RAB6B: variants seen among roughly 807,000 people sequenced by gnomAD.
RAB6B encodes the protein RAB6B, member RAS oncogene family.
In RAB6B, 7 loss-of-function variants were observed where a neutral mutation model predicts 31.2. The observed-to-expected ratio is 0.22, with a 90% CI of 0.13 to 0.42. The LOEUF is 0.42. Ranked by LOEUF, RAB6B falls within the 10% of genes least tolerant of loss-of-function variation. RAB6B has a pLI of 1.00. For missense variants in RAB6B, 149 were observed against 280.6 expected (o/e 0.53, Z 3.35); for synonymous variants, 105 against 104.9 (o/e 1.00, Z -0.01).
intron 7 of RAB6B, among the ~76,000 whole-genome samples, chr3:133,831,582 G>A (rs188051075): frequency 5.1e-4 from 77 of 152,308 alleles, no homozygotes; most frequent in Non-Finnish European, 9.1e-4. Flanking sequence ...TCCTTGTTAC[G>A]CCACATGCTG....
intron 1 of RAB6B, among the ~76,000 whole-genome samples, chr3:133,874,336 C>T (rs754339950): frequency 6.6e-6 from 1 of 152,218 alleles, no homozygotes; most frequent in Non-Finnish European, 1.5e-5. Flanking sequence ...TTACTACACA[C>T]CTAGGCTATA....
In RAB6B at chr3:133,834,490, G is replaced by A. The variant is rs541677051; in HGVS notation, c.562+85C>T. On this transcript the variant is annotated intron_variant, in intron 7 of 7. Coordinates refer to ENST00000285208, the MANE Select transcript of RAB6B (RefSeq NM_016577.4). Reference sequence around the variant, plus strand: ...AGGGAAGGCTGGGCGGGGACTGGGCGAGTGTCTGTCCACTGCACTAACATA... The same window carrying A: ...AGGGAAGGCTGGGCGGGGACTGGGCAAGTGTCTGTCCACTGCACTAACATA... 2.2e-5 allele frequency: 31 copies of A among 1,420,018 alleles called. 2 individuals are homozygous for A. The highest frequency in any genetic ancestry group is 1.8e-4 in the Middle Eastern group (1 of 5,684). 88.0% of individuals were successfully genotyped at this position (1,420,018 alleles called of 1,614,324 possible). A position where few individuals can be genotyped will look rare whatever the true frequency, so the allele number is the denominator to read the frequency against.
chr3:133,889,437 T>C (rs1339814163), intron 1 of RAB6B, among the ~76,000 whole-genome samples: 17 of 87,014 alleles, frequency 2.0e-4, no homozygotes, highest in African/African-American at 7.0e-4. Flanking sequence ...TATATATATA[T>C]ATATATATTT....
intron 1 of RAB6B, among the ~76,000 whole-genome samples, chr3:133,889,638 G>A (rs781345394): frequency 1.3e-5 from 2 of 151,744 alleles, no homozygotes; most frequent in Non-Finnish European, 2.9e-5. Flanking sequence ...ATTTTGCCAC[G>A]TTGGCCAGGC....
intron 1 of RAB6B, among the ~76,000 whole-genome samples, chr3:133,871,630 C>T (rs753845891): frequency 1.4e-4 from 22 of 152,382 alleles, no homozygotes; most frequent in African/African-American, 4.1e-4. Flanking sequence ...CCTCCCTCCA[C>T]GAAGGACAGC....
At chr3:133,876,886 A>G (rs2108010457) in intron 1 of RAB6B, among the ~76,000 whole-genome samples, 1 of 152,246 alleles carries the variant, frequency 6.6e-6, no homozygotes, top group South Asian at 2.1e-4. Flanking sequence ...TTCCCTATAA[A>G]CAAATGAATA....
intron 7 of RAB6B, 146 bp downstream of exon 7, chr3:133,834,429 C>T (rs917945810): frequency 1.4e-5 from 12 of 829,324 alleles, no homozygotes; most frequent in African/African-American, 5.0e-5. Context: ...AGCTGCATCC[C>T]GCCTAGAGGA....
At chr3:133,882,305 T>A (rs1936479744) in intron 1 of RAB6B, among the ~76,000 whole-genome samples, 1 of 152,202 alleles carries the variant, frequency 6.6e-6, no homozygotes, top group African/African-American at 2.4e-5. Flanking sequence ...CCGTACAACA[T>A]AACCTGATTG....
At chr3:133,845,189 T>A (rs936665896) in intron 2 of RAB6B, among the ~76,000 whole-genome samples, 4 of 152,340 alleles carry the variant, frequency 2.6e-5, no homozygotes, top group African/African-American at 9.6e-5. Flanking sequence ...AATCTATCGC[T>A]GTGGTCTGAA....
chr3:133,850,626 A>C (rs1236726049), intron 2 of RAB6B, among the ~76,000 whole-genome samples: 1 of 152,166 alleles, frequency 6.6e-6, no homozygotes, highest in East Asian at 1.9e-4. Context: ...AGGAAGCATA[A>C]AGAGAAAAAA....
intron 1 of RAB6B, among the ~76,000 whole-genome samples, chr3:133,874,348 T>C (rs1936363825): frequency 2.0e-5 from 3 of 152,250 alleles, no homozygotes; most frequent in Admixed American, 2.0e-4. Flanking sequence ...TAGGCTATAA[T>C]GGTACCCTAT....
chr3:133,853,860 G>A (rs1174652691), intron 2 of RAB6B, among the ~76,000 whole-genome samples: 2 of 152,188 alleles, frequency 1.3e-5, no homozygotes, highest in Non-Finnish European at 1.5e-5. Flanking sequence ...ATTATGAATT[G>A]TTATTAGTGA....
chr3:133,873,158 C>T (rs917898883), intron 1 of RAB6B, among the ~76,000 whole-genome samples: 4 of 152,196 alleles, frequency 2.6e-5, no homozygotes, highest in Admixed American at 2.0e-4. Context: ...ATCCCATCCA[C>T]GTAACAGTAC....
At chr3:133,845,747 G>A (rs1935900773) in intron 2 of RAB6B, among the ~76,000 whole-genome samples, 1 of 151,796 alleles carries the variant, frequency 6.6e-6, no homozygotes, top group South Asian at 2.1e-4. Flanking sequence ...CAATAAAAAA[G>A]GACTAGAAAT....
In RAB6B at chr3:133,866,095, G is replaced by T. The variant is rs555757342; in HGVS notation, c.71-1453C>A. 6.6e-5 allele frequency among the ~76,000 whole-genome samples: 10 copies of T among 152,308 alleles called. No individual in the cohort carries two copies. In the South Asian group the frequency reaches 2.1e-3, roughly 32 times the overall value. On this transcript the variant is annotated intron_variant, in intron 1 of 7. Coordinates refer to ENST00000285208, the MANE Select transcript of RAB6B (RefSeq NM_016577.4). The stretch of plus-strand genomic sequence containing the variant: ...ACATCAAAGACTTCAGGGGGCTGTA[G>T]TAAGAATTAAATCAGGTAAAAAGTA...
At chr3:133,880,380 A>G (rs1392306123) in intron 1 of RAB6B, among the ~76,000 whole-genome samples, 1 of 152,264 alleles carries the variant, frequency 6.6e-6, no homozygotes, top group Non-Finnish European at 1.5e-5. Flanking sequence ...TTGTCAGCTG[A>G]GACCCAGTCA....
At chr3:133,886,884 C>G (rs558966265) in intron 1 of RAB6B, among the ~76,000 whole-genome samples, 1 of 152,306 alleles carries the variant, frequency 6.6e-6, no homozygotes, top group Admixed American at 6.5e-5. Flanking sequence ...GGAACCCCAA[C>G]AAGGTAATGA....
chr3:133,837,811 C>T (rs1935760466), intron 6 of RAB6B, among the ~76,000 whole-genome samples: 1 of 152,198 alleles, frequency 6.6e-6, no homozygotes, highest in South Asian at 2.1e-4. Flanking sequence ...TTTTCCTGCA[C>T]CTGTCATCCA....
rs1218023359 is a variant in RAB6B, at chr3:133,841,396, T to C, written c.184-6A>G. ...TCCCAGAGCTGCAGTCGCACCTGTCTCAGGGAGGGCAGGACCATGGGCAGA... is the reference window on the plus strand; with the variant it reads ...TCCCAGAGCTGCAGTCGCACCTGTCCCAGGGAGGGCAGGACCATGGGCAGA... On this transcript the variant is annotated splice_polypyrimidine_tract_variant and splice_region_variant and intron_variant, in intron 3 of 7. Transcript: ENST00000285208. 12 of 1,613,820 alleles carry C rather than the reference T, an allele frequency of 7.4e-6. No homozygotes were observed. The highest frequency in any genetic ancestry group is 1.0e-5 in the Non-Finnish European group (12 of 1,179,950).
Sources: gnomAD v4.1 joint callset for allele counts (sites outside exome capture counted in the v4.1 genomes callset) on GRCh38, gnomAD v4.1.1 for gene constraint, MANE v1.5 for transcripts, NCBI Gene and HGNC (gene_info 2026-07-23, HGNC 2026-07-21) for gene names.